LMAN2: variants seen among roughly 807,000 people sequenced by gnomAD.
LMAN2 encodes vesicular integral-membrane protein VIP36.
A neutral mutation model predicts 39.3 loss-of-function variants in LMAN2; 22 were observed. The ratio of observed to expected loss-of-function variants is 0.56; its 90% CI spans 0.40 to 0.80. The LOEUF (loss-of-function observed/expected upper bound fraction) is 0.80, where lower values mean the gene tolerates loss of function less well. Among genes scored for constraint, LMAN2 ranks in the 30% least tolerant of loss-of-function variants. The pLI is 0.00. For synonymous variants in LMAN2, 207 were observed against 207.8 expected (o/e 1.00, Z 0.03); for missense variants, 494 against 505.4 (o/e 0.98, Z 0.22).
In LMAN2 at chr5:177,337,701, C is replaced by T. The variant is rs772517405; in HGVS notation, c.513+5G>A. The T allele has an allele frequency of 1.2e-6, 2 of 1,613,684 alleles. No homozygotes were observed. Among genetic ancestry groups the T allele is most frequent in the South Asian group, 1.1e-5 (1 of 91,020 alleles). ...CCTGCTCAGCAGGATAGAGCAGGGG[C>T]CTACCTCAGTGGTCTCATCATTGGG... is the stretch of plus-strand genomic sequence containing the variant. On this transcript the variant is annotated splice_donor_5th_base_variant and intron_variant, in intron 4 of 7. Coordinates refer to ENST00000303127, the MANE Select transcript of LMAN2 (RefSeq NM_006816.3). The surrounding 1 kb of genome is among the most constrained non-coding windows in gnomAD (Gnocchi z 8.2).
In LMAN2 at chr5:177,351,305, C is replaced by G; in HGVS notation, c.197-14G>C. 1 of 1,613,526 alleles carries G rather than the reference C, an allele frequency of 6.2e-7. No homozygotes were observed. Among genetic ancestry groups the G allele is most frequent in the Non-Finnish European group, 8.5e-7 (1 of 1,179,894 alleles). ...TGGAACCGACCCCTGTGGGAAGAGACAGGTGCTAAGAGGCCACGCCAGGAC... is the reference window on the plus strand; with the variant it reads ...TGGAACCGACCCCTGTGGGAAGAGAGAGGTGCTAAGAGGCCACGCCAGGAC... On this transcript the variant is annotated splice_polypyrimidine_tract_variant and intron_variant, in intron 1 of 7. Transcript: ENST00000303127.
intron 2 of LMAN2, among the ~76,000 whole-genome samples, chr5:177,339,964 A>C (rs1761527448): frequency 6.6e-6 from 1 of 152,210 alleles, no homozygotes; most frequent in African/African-American, 2.4e-5. Flanking sequence ...GAGAGCACAA[A>C]AGAATGGAAG....
chr5:177,340,862 C>A (rs2127316707), intron 2 of LMAN2, among the ~76,000 whole-genome samples: 1 of 151,624 alleles, frequency 6.6e-6, no homozygotes, highest in East Asian at 2.0e-4. Context: ...TCACGCCATT[C>A]TCCTGCCTCA....
intron 2 of LMAN2, among the ~76,000 whole-genome samples, chr5:177,348,455 G>C (rs1166432531): frequency 6.6e-6 from 1 of 152,114 alleles, no homozygotes; most frequent in Non-Finnish European, 1.5e-5. Flanking sequence ...GGGAGGCCGA[G>C]GTGGGCAGAT....
chr5:177,343,564 GACACAC>G lies in LMAN2; in HGVS notation c.316-4965_316-4960del, dbSNP rs368470169. 1.8e-4 allele frequency among the ~76,000 whole-genome samples: 15 copies of G among 84,682 alleles called. No individual in the cohort carries two copies. The South Asian group carries it at 2.3e-3, about 13-fold the overall frequency. 55.6% of individuals were successfully genotyped at this position (84,682 alleles called of 152,430 possible). A position where few individuals can be genotyped will look rare whatever the true frequency, so the allele number is the denominator to read the frequency against. On this transcript the variant is annotated intron_variant, in intron 2 of 7. Coordinates refer to ENST00000303127, the MANE Select transcript of LMAN2 (RefSeq NM_006816.3). ...AGATGAATACACGGAATGTGGTCTA[GACACAC>G]ACACACACACACACACACACACACG...
chr5:177,349,217 C>A (rs916892525), intron 2 of LMAN2, among the ~76,000 whole-genome samples: 30 of 152,302 alleles, frequency 2.0e-4, no homozygotes, highest in African/African-American at 6.5e-4. Context: ...AGACCACCCC[C>A]CCTGCACCAC....
chr5:177,339,477 C>T (rs893938884), intron 2 of LMAN2, among the ~76,000 whole-genome samples: 7 of 152,206 alleles, frequency 4.6e-5, no homozygotes, highest in Non-Finnish European at 8.8e-5. Flanking sequence ...GCACCGCCTA[C>T]GCCAAGGGAG....
In LMAN2 at chr5:177,332,473, G is replaced by A. The variant is rs1194523095; in HGVS notation, c.911-227C>T. ...GAGAGGACCAAGCCCACAGGGACCC[G>A]GGACCCCAGCGACAAGCCTGGGCTG... On this transcript the variant is annotated intron_variant, in intron 7 of 7. Coordinates refer to ENST00000303127, the MANE Select transcript of LMAN2 (RefSeq NM_006816.3). The surrounding 1 kb of genome is among the most constrained non-coding windows in gnomAD (Gnocchi z 6.3). Among the ~76,000 whole-genome samples the A allele has an allele frequency of 2.6e-5, 4 of 152,120 alleles. No individual in the cohort carries two copies. The highest frequency in any genetic ancestry group is 1.9e-4 in the East Asian group (1 of 5,178).
intron 7 of LMAN2, among the ~76,000 whole-genome samples, chr5:177,333,190 C>T (rs1761417073): frequency 6.6e-6 from 1 of 152,248 alleles, no homozygotes; most frequent in African/African-American, 2.4e-5. Context: ...AGCCTCAGGG[C>T]TCTCACAGCT....
intron 1 of LMAN2, 50 bp downstream of exon 1, chr5:177,351,402 T>C: frequency 6.2e-7 from 1 of 1,606,098 alleles, no homozygotes; most frequent in Non-Finnish European, 8.5e-7. Flanking sequence ...CCCCTAGCCC[T>C]GTTCAGCCTC....
chr5:177,345,419 T>C (rs2127318783), intron 2 of LMAN2, among the ~76,000 whole-genome samples: 1 of 149,644 alleles, frequency 6.7e-6, no homozygotes, highest in Admixed American at 6.6e-5. Flanking sequence ...CATAAATTAA[T>C]GGATTTAAAG....
intron 6 of LMAN2, among the ~76,000 whole-genome samples, chr5:177,335,830 C>T (rs1377488812): frequency 6.6e-6 from 1 of 152,190 alleles, no homozygotes; most frequent in African/African-American, 2.4e-5. Context: ...GGATAAACCG[C>T]CCATGTCAGG....
At chr5:177,339,261 C>A (rs982617284) in intron 2 of LMAN2, among the ~76,000 whole-genome samples, 2 of 152,238 alleles carry the variant, frequency 1.3e-5, no homozygotes, top group Non-Finnish European at 2.9e-5. Context: ...ATCCACCCTG[C>A]TAACCAACCT....
intron 3 of LMAN2, among the ~76,000 whole-genome samples, chr5:177,338,039 G>A (rs1761500460): frequency 3.3e-5 from 5 of 152,020 alleles, no homozygotes; most frequent in Admixed American, 3.3e-4. Flanking sequence ...CAGGTGTCAA[G>A]GGGGTACCTG....
At chr5:177,349,218 C>T (rs556520321) in intron 2 of LMAN2, among the ~76,000 whole-genome samples, 1 of 152,182 alleles carries the variant, frequency 6.6e-6, no homozygotes, top group Non-Finnish European at 1.5e-5. Flanking sequence ...GACCACCCCC[C>T]CTGCACCACA....
intron 2 of LMAN2, among the ~76,000 whole-genome samples, chr5:177,347,956 T>A (rs781149945): frequency 5.3e-5 from 8 of 152,106 alleles, no homozygotes; most frequent in Non-Finnish European, 7.4e-5. Context: ...CCATCTATAA[T>A]AGAAATTTAA....
chr5:177,337,087 C>T lies in LMAN2; in HGVS notation c.790+49G>A, dbSNP rs1418044420. On this transcript the variant is annotated intron_variant, in intron 6 of 7. Coordinates refer to ENST00000303127, the MANE Select transcript of LMAN2 (RefSeq NM_006816.3). The surrounding 1 kb of genome is among the most constrained non-coding windows in gnomAD (Gnocchi z 8.2). The stretch of plus-strand genomic sequence containing the variant: ...TCAACTGCATGGAAAGCTCCCAGTC[C>T]CTCAGGGTGAGCTGGGCTGGGAACC... 1.4e-6 allele frequency: 2 copies of T among 1,413,938 alleles called. No individual in the cohort carries two copies. The highest frequency in any genetic ancestry group is 2.0e-6 in the Non-Finnish European group (2 of 1,006,934). The allele number at this position is 1,413,938 out of a possible 1,614,324, so 87.6% of individuals were successfully genotyped here.
intron 6 of LMAN2, 54 bp from the exon 7 acceptor site, chr5:177,334,457 T>A: frequency 6.3e-7 from 1 of 1,576,224 alleles, no homozygotes; most frequent in East Asian, 2.3e-5. Flanking sequence ...GCAGGGCACG[T>A]GGCCCAAGAC....
At chr5:177,350,645 A>T (rs1294024675) in intron 2 of LMAN2, among the ~76,000 whole-genome samples, 1 of 152,232 alleles carries the variant, frequency 6.6e-6, no homozygotes, top group Non-Finnish European at 1.5e-5. Flanking sequence ...GACAAATCAG[A>T]GTTTAAATAC....
Sources: gnomAD v4.1 joint callset for allele counts (sites outside exome capture counted in the v4.1 genomes callset) on GRCh38, gnomAD v4.1.1 for gene constraint, Gnocchi (gnomAD v3.1) non-coding constraint, MANE v1.5 for transcripts, NCBI Gene and HGNC (gene_info 2026-07-23, HGNC 2026-07-21) for gene names.